PPTC7: variants seen among roughly 807,000 people sequenced by gnomAD.
PPTC7 encodes protein phosphatase targeting COQ7.
A neutral mutation model predicts 30.8 loss-of-function variants in PPTC7; 6 were observed. The observed-to-expected ratio is 0.19, with a 90% CI of 0.11 to 0.38. The LOEUF is 0.38. Among genes scored for constraint, PPTC7 ranks in the 10% least tolerant of loss-of-function variants. The pLI, the probability that PPTC7 is intolerant of heterozygous loss-of-function variation, is 1.00. For synonymous variants in PPTC7, 163 were observed against 168.1 expected, an observed-to-expected ratio of 0.97 and a Z score of 0.23; for missense variants, 218 against 404.8, an observed-to-expected ratio of 0.54 and a Z score of 3.96.
intron 1 of PPTC7, among the ~76,000 whole-genome samples, chr12:110,562,813 A>T (rs1202190567): frequency 7.0e-6 from 1 of 142,570 alleles, no homozygotes; most frequent in Admixed American, 6.9e-5. Flanking sequence ...AAAGAAGAGG[A>T]AAAAAAAAAA....
intron 3 of PPTC7, among the ~76,000 whole-genome samples, chr12:110,541,914 G>A (rs1329624325): frequency 1.3e-5 from 2 of 151,930 alleles, no homozygotes; most frequent in Non-Finnish European, 2.9e-5. Flanking sequence ...GGGAAGCCGA[G>A]GCAAGCAGAT....
At chr12:110,540,155 T>G (rs547359973) in intron 3 of PPTC7, among the ~76,000 whole-genome samples, 2 of 152,312 alleles carry the variant, frequency 1.3e-5, no homozygotes, top group South Asian at 4.1e-4. Context: ...TTTCAAATTT[T>G]TAACTGAAAC....
intron 1 of PPTC7, among the ~76,000 whole-genome samples, chr12:110,581,498 CT>C (rs1416288963): frequency 6.6e-6 from 1 of 152,108 alleles, no homozygotes; most frequent in Non-Finnish European, 1.5e-5. Flanking sequence ...TGACAGCTGA[CT>C]TCGGGGTGGA....
At chr12:110,565,220 G>A (rs895037352) in intron 1 of PPTC7, among the ~76,000 whole-genome samples, 1 of 151,512 alleles carries the variant, frequency 6.6e-6, no homozygotes, top group African/African-American at 2.4e-5. Context: ...TGAGTAGTAG[G>A]ACAATGAGTA....
In PPTC7 at chr12:110,548,031, C is replaced by CG. The variant is rs1431692997; in HGVS notation, c.404-1954dup. On this transcript the variant is annotated intron_variant, in intron 2 of 5. Coordinates refer to ENST00000354300, the MANE Select transcript of PPTC7 (RefSeq NM_139283.2). ...CTGGGGCACAAGAATTGTTTGAACC[C>CG]GGGGGGCAGAGGTTTCAGTGAGCTG... Among the ~76,000 whole-genome samples, 8 of 151,182 alleles carry CG rather than the reference C, an allele frequency of 5.3e-5. 1 individual carries two copies. Among genetic ancestry groups the CG allele is most frequent in the South Asian group, 4.2e-4 (2 of 4,806 alleles).
At position 110,545,874 on chromosome 12, in the gene PPTC7, G is replaced by A; in HGVS notation, c.602+6C>T. 1.2e-6 allele frequency: 2 copies of A among 1,612,932 alleles called. No individual in the cohort carries two copies. The highest frequency in any genetic ancestry group is 1.7e-6 in the Non-Finnish European group (2 of 1,179,900). On this transcript the variant is annotated splice_donor_region_variant and intron_variant, in intron 3 of 5. Coordinates refer to ENST00000354300, the MANE Select transcript of PPTC7 (RefSeq NM_139283.2). ...CTCACACTTAATGGCTGAGAGGGGAGATTACCTGTCGCTCAAGACGACTCC... is the reference window on the plus strand; with the variant it reads ...CTCACACTTAATGGCTGAGAGGGGAAATTACCTGTCGCTCAAGACGACTCC...
chr12:110,559,412 AT>A lies in PPTC7; in HGVS notation c.224-7445del, dbSNP rs538513009. On this transcript the variant is annotated intron_variant, in intron 1 of 5. Coordinates refer to ENST00000354300, the MANE Select transcript of PPTC7 (RefSeq NM_139283.2). ...ATTAAGTGTTTATAAGAAGAAAAAAATTTTTTTTTTTTTTTAAGAAATGGGG... is the reference window on the plus strand; with the variant it reads ...ATTAAGTGTTTATAAGAAGAAAAAAATTTTTTTTTTTTTTAAGAAATGGGG... 1.6e-3 allele frequency among the ~76,000 whole-genome samples: 238 copies of A among 144,670 alleles called. 1 individual carries two copies. The highest frequency in any genetic ancestry group is 3.5e-3 in the Middle Eastern group (1 of 282). 94.9% of individuals were successfully genotyped at this position (144,670 alleles called of 152,430 possible). A position where few individuals can be genotyped will look rare whatever the true frequency, so the allele number is the denominator to read the frequency against.
At position 110,539,851 on chromosome 12, in the gene PPTC7, T is replaced by C. The variant is rs149249436; in HGVS notation, c.697A>G (p.Met233Val). 5.0e-6 allele frequency: 8 copies of C among 1,614,032 alleles called. No homozygotes were observed. The highest frequency in any genetic ancestry group is 4.5e-5 in the East Asian group (2 of 44,884). Residue 233 changes from methionine (M) to valine (V), a missense_variant, in exon 4 of 6, where the codon ATG becomes GTG. By Grantham distance (21) the Met-to-Val change is conservative. Coordinates refer to ENST00000354300, the MANE Select transcript of PPTC7 (RefSeq NM_139283.2). Reference protein sequence around the residue: ...DGLFDNMPDYMILQELKKLKN... With the variant: ...DGLFDNMPDYVILQELKKLKN... ...AACTTTTTTAGCTCCTGAAGAATCA[T>C]ATAATCAGGCATGTTGTCAAAGAGT...
intron 3 of PPTC7, among the ~76,000 whole-genome samples, chr12:110,541,837 C>A (rs74237000): frequency 6.6e-6 from 1 of 151,698 alleles, no homozygotes; most frequent in South Asian, 2.1e-4. Flanking sequence ...TCATGTAACA[C>A]GTCTTCAAGA....
chr12:110,538,015 A>G (rs1166856820), intron 5 of PPTC7, 129 bp downstream of exon 5: 9 of 923,584 alleles, frequency 9.7e-6, no homozygotes, highest in African/African-American at 3.4e-5. Flanking sequence ...ACCTTGCTGA[A>G]AGCCACAAGT....
At chr12:110,575,443 T>C (rs930418258) in intron 1 of PPTC7, among the ~76,000 whole-genome samples, 1 of 152,004 alleles carries the variant, frequency 6.6e-6, no homozygotes, top group Non-Finnish European at 1.5e-5. Flanking sequence ...TCAAAGGACA[T>C]GGTTGTAGGT....
chr12:110,550,789 T>C (rs904645358), intron 2 of PPTC7, among the ~76,000 whole-genome samples: 1 of 152,210 alleles, frequency 6.6e-6, no homozygotes, highest in African/African-American at 2.4e-5. Flanking sequence ...ATCTAATTTG[T>C]GCCAAGTTAT....
intron 1 of PPTC7, among the ~76,000 whole-genome samples, chr12:110,556,728 C>T (rs1469769069): frequency 2.6e-5 from 4 of 152,168 alleles, no homozygotes; most frequent in African/African-American, 7.2e-5. Flanking sequence ...GTGCATGCTG[C>T]GCTAGGAAAT....
At position 110,539,942 on chromosome 12, in the gene PPTC7, C is replaced by A. The variant is rs779901944; in HGVS notation, c.606G>T (p.Pro202=). 2 of 1,613,726 alleles carry A rather than the reference C, an allele frequency of 1.2e-6. No individual in the cohort carries two copies. The highest frequency in any genetic ancestry group is 3.3e-5 in the Admixed American group (2 of 59,974). The change falls in exon 4 of 6, where the codon CCG becomes CCT. Residue 202 remains proline, a synonymous_variant. Coordinates refer to ENST00000354300, the MANE Select transcript of PPTC7 (RefSeq NM_139283.2). ...EAEGVVLSDS[P]DAADSTSFDV... ...CGAAAGACGTGCTATCAGCAGCATC[C>A]GGACTGTGGCAAGGACAGGGGAGGG...
chr12:110,583,298 G>T lies in PPTC7; in HGVS notation c.-267C>A, dbSNP rs972035364. On this transcript the variant is annotated 5_prime_UTR_variant, in exon 1 of 6. Transcript: ENST00000354300. Reference sequence around the variant, plus strand: ...GGCTGCAGCGGCCGCCGCCGCCGCCGCCATCTTCCGCTCCACTAGCGTGTT... The same window carrying T: ...GGCTGCAGCGGCCGCCGCCGCCGCCTCCATCTTCCGCTCCACTAGCGTGTT... The T allele has an allele frequency of 1.2e-5, 2 of 170,670 alleles. No homozygotes were observed. The highest frequency in any genetic ancestry group is 2.5e-5 in the Non-Finnish European group (2 of 81,034). The allele number at this position is 170,670 out of a possible 1,614,324, so 10.6% of individuals were successfully genotyped here. A position where few individuals can be genotyped will look rare whatever the true frequency, so the allele number is the denominator to read the frequency against.
At chr12:110,557,796 T>C (rs554778395) in intron 1 of PPTC7, among the ~76,000 whole-genome samples, 23 of 152,222 alleles carry the variant, frequency 1.5e-4, no homozygotes, top group Non-Finnish European at 2.6e-4. Flanking sequence ...GTCACAGTTC[T>C]GCATGGCTGG....
chr12:110,557,446 T>G (rs2064399194), intron 1 of PPTC7, among the ~76,000 whole-genome samples: 1 of 151,982 alleles, frequency 6.6e-6, no homozygotes. Context: ...CGCTACTTTT[T>G]TTTTTAAGTT....
chr12:110,572,628 C>T lies in PPTC7; in HGVS notation c.223+10181G>A, dbSNP rs544699372. Among the ~76,000 whole-genome samples the T allele has an allele frequency of 3.1e-4, 47 of 152,260 alleles. 1 individual carries two copies. In the South Asian group the frequency reaches 8.9e-3, roughly 29 times the overall value. On this transcript the variant is annotated intron_variant, in intron 1 of 5. Coordinates refer to ENST00000354300, the MANE Select transcript of PPTC7 (RefSeq NM_139283.2). ...AGCACTCTTTGTAGAAAGTCACTTT[C>T]GTAGTCTCTGGCAAAGTTTTTGCAG...
At chr12:110,537,420 C>A (rs1351737400) in intron 5 of PPTC7, among the ~76,000 whole-genome samples, 1 of 152,178 alleles carries the variant, frequency 6.6e-6, no homozygotes, top group Non-Finnish European at 1.5e-5. Flanking sequence ...TCTATACCCA[C>A]AATCCTAATT....
Sources: allele counts gnomAD v4.1 joint callset (sites outside exome capture counted in the v4.1 genomes callset), GRCh38; gene constraint gnomAD v4.1.1; transcripts MANE v1.5; gene names NCBI Gene and HGNC (gene_info 2026-07-23, HGNC 2026-07-21).